NRG1: variants seen among roughly 807,000 people sequenced by gnomAD.
The protein encoded by NRG1 is pro-neuregulin-1, membrane-bound isoform.
NRG1 carries 18 observed loss-of-function variants against 63.8 expected under a neutral mutation model. The observed-to-expected ratio is 0.28, with a 90% CI of 0.19 to 0.42. NRG1 has a LOEUF of 0.42. Ranked by LOEUF, NRG1 falls within the 10% of genes least tolerant of loss-of-function variation. The pLI is 1.00. For missense variants in NRG1, 762 were observed against 814.7 expected, an observed-to-expected ratio of 0.94 and a Z score of 0.79; for synonymous variants, 302 against 301.3, an observed-to-expected ratio of 1.00 and a Z score of -0.02.
chr8:32,561,608 A>G (rs1052581730), intron 1 of NRG1, among the ~76,000 whole-genome samples: 2 of 152,340 alleles, frequency 1.3e-5, no homozygotes, highest in African/African-American at 4.8e-5. Flanking sequence ...AATTATGTGC[A>G]TGCAAAAAAG....
chr8:32,261,682 C>A (rs111316338), intron 1 of NRG1, among the ~76,000 whole-genome samples: 3 of 152,090 alleles, frequency 2.0e-5, no homozygotes, highest in African/African-American at 7.2e-5. Flanking sequence ...TCCACTCCCC[C>A]CTTGTATTGG....
At chr8:32,181,018 C>A (rs890438757) in intron 1 of NRG1, among the ~76,000 whole-genome samples, 16 of 152,144 alleles carry the variant, frequency 1.1e-4, no homozygotes, top group African/African-American at 3.9e-4. Context: ...GTCTTCTGTG[C>A]TTAGCTTCTT....
intron 1 of NRG1, among the ~76,000 whole-genome samples, chr8:31,729,481 T>G (rs1405103998): frequency 1.3e-5 from 2 of 152,098 alleles, no homozygotes; most frequent in Middle Eastern, 3.2e-3. Flanking sequence ...TAAAATTACC[T>G]AGAGCCAGAT....
intron 1 of NRG1, among the ~76,000 whole-genome samples, chr8:31,970,863 C>A (rs547043045): frequency 3.1e-4 from 47 of 152,180 alleles, no homozygotes; most frequent in African/African-American, 1.1e-3. Context: ...GCTGCAGCAT[C>A]TCCTTGGGCC....
intron 1 of NRG1, among the ~76,000 whole-genome samples, chr8:32,222,758 G>C (rs1367466313): frequency 6.6e-6 from 1 of 152,082 alleles, no homozygotes; most frequent in Non-Finnish European, 1.5e-5. Flanking sequence ...GCCATCACCA[G>C]GTATAAGGTG....
intron 1 of NRG1, among the ~76,000 whole-genome samples, chr8:32,558,126 T>A (rs1441889236): frequency 6.6e-6 from 1 of 152,266 alleles, no homozygotes; most frequent in East Asian, 1.9e-4. Flanking sequence ...CAACAGAAGC[T>A]AAGGGAGAGC....
At chr8:32,418,770 G>A (rs546268095) in intron 1 of NRG1, among the ~76,000 whole-genome samples, 4 of 152,026 alleles carry the variant, frequency 2.6e-5, no homozygotes, top group Non-Finnish European at 5.9e-5. Context: ...ACAGTTTTTC[G>A]TATTACTCTA....
chr8:32,486,625 G>A (rs1202953315), intron 1 of NRG1, among the ~76,000 whole-genome samples: 1 of 77,032 alleles, frequency 1.3e-5, no homozygotes, highest in East Asian at 6.0e-4. Context: ...CAGAATTGCT[G>A]GATTTTTTTT....
intron 1 of NRG1, among the ~76,000 whole-genome samples, chr8:31,976,010 A>G (rs1272252608): frequency 6.6e-6 from 1 of 152,246 alleles, no homozygotes; most frequent in African/African-American, 2.4e-5. Flanking sequence ...GAAAATCTCA[A>G]GAAAAGGCTA....
chr8:31,689,764 TA>T, intron 1 of NRG1, among the ~76,000 whole-genome samples: 1 of 152,302 alleles, frequency 6.6e-6, no homozygotes, highest in Middle Eastern at 3.4e-3. Context: ...TAAAAACCAA[TA>T]AAAATTTCAC....
chr8:32,366,673 GTGTGTATATATATATATA>G (rs1420576532), intron 1 of NRG1, among the ~76,000 whole-genome samples: 9 of 42,978 alleles, frequency 2.1e-4, no homozygotes, highest in African/African-American at 3.5e-4. Flanking sequence ...GTGTGTGTGT[GTGTGTATATATATATATA>G]TATATATATA....
At chr8:32,335,032 G>A (rs1163535676) in intron 1 of NRG1, among the ~76,000 whole-genome samples, 2 of 152,022 alleles carry the variant, frequency 1.3e-5, no homozygotes, top group South Asian at 4.2e-4. Flanking sequence ...AGAAAGTGGA[G>A]GCTCAGAAAA....
chr8:32,359,786 T>C (rs1051299838), intron 1 of NRG1, among the ~76,000 whole-genome samples: 3 of 152,184 alleles, frequency 2.0e-5, no homozygotes, highest in Non-Finnish European at 4.4e-5. Context: ...AAAGTTATTG[T>C]AAGGTATTCC....
At chr8:32,667,054 C>T (rs1038004485) in intron 5 of NRG1, among the ~76,000 whole-genome samples, 2 of 152,164 alleles carry the variant, frequency 1.3e-5, no homozygotes, top group South Asian at 2.1e-4. Flanking sequence ...CATCGCTGTA[C>T]GAACATCATA....
intron 1 of NRG1, among the ~76,000 whole-genome samples, chr8:32,293,624 G>A (rs1854467470): frequency 6.6e-6 from 1 of 151,052 alleles, no homozygotes; most frequent in African/African-American, 2.4e-5. Flanking sequence ...TTTAGGAAAA[G>A]CCATTTTATT....
At chr8:31,757,919 C>T (rs1817140468) in intron 1 of NRG1, among the ~76,000 whole-genome samples, 1 of 152,040 alleles carries the variant, frequency 6.6e-6, no homozygotes, top group South Asian at 2.1e-4. Flanking sequence ...GAAAATTCCT[C>T]ATGCCCCTCA....
At chr8:32,510,833 C>G (rs2129500515) in intron 1 of NRG1, among the ~76,000 whole-genome samples, 1 of 152,104 alleles carries the variant, frequency 6.6e-6, no homozygotes, top group African/African-American at 2.4e-5. Flanking sequence ...CTTAGCAGTG[C>G]TACCCAAAAA....
intron 1 of NRG1, among the ~76,000 whole-genome samples, chr8:32,160,891 A>G (rs76761088): frequency 0.012 from 1,892 of 152,316 alleles, 49 homozygotes; most frequent in African/African-American, 0.043. Flanking sequence ...AAATTCCCGT[A>G]GAAAAGCCTT....
intron 1 of NRG1, among the ~76,000 whole-genome samples, chr8:32,511,416 A>G (rs1829211902): frequency 1.4e-5 from 2 of 145,878 alleles, no homozygotes; most frequent in African/African-American, 5.0e-5. Context: ...ATAAATAGGT[A>G]AGAGCTGCTT....
Sources: gnomAD v4.1 joint callset for allele counts (sites outside exome capture counted in the v4.1 genomes callset) on GRCh38, gnomAD v4.1.1 for gene constraint, MANE v1.5 for transcripts, NCBI Gene and HGNC (gene_info 2026-07-23, HGNC 2026-07-21) for gene names.